ZNF577: variants seen among roughly 807,000 people sequenced by gnomAD.
The protein encoded by ZNF577 is zinc finger protein 577.
ZNF577 carries 14 observed loss-of-function variants against 13.9 expected under a neutral mutation model. That is an observed-to-expected ratio of 1.00 (90% CI 0.66 to 1.57). The LOEUF (loss-of-function observed/expected upper bound fraction) is 1.57. ZNF577 is among the 40% of genes most tolerant of loss of function. ZNF577 has a pLI of 0.00. For missense variants in ZNF577, 555 were observed against 579.2 expected, an observed-to-expected ratio of 0.96 and a Z score of 0.43; for synonymous variants, 203 against 202.9, an observed-to-expected ratio of 1.00 and a Z score of 0.00.
intron 1 of ZNF577, chr19:51,886,385 T>C (rs1215651879): frequency 1.3e-5 from 2 of 152,182 alleles, no homozygotes; most frequent in Non-Finnish European, 2.9e-5. Context: ...ATTCAGTCCC[T>C]CTCCAGCAAT....
chr19:51,831,637 T>C (rs145024657), intron 9 of ZNF577, among the ~76,000 whole-genome samples: 1,872 of 152,238 alleles, frequency 0.012, 29 homozygotes, highest in African/African-American at 0.036. Flanking sequence ...AATATAAACA[T>C]GATCGTGCCC....
At chr19:51,851,607 C>CGAGG (rs1168625784) in intron 5 of ZNF577, among the ~76,000 whole-genome samples, 1 of 152,156 alleles carries the variant, frequency 6.6e-6, no homozygotes, top group African/African-American at 2.4e-5. Context: ...CCCCACACCT[C>CGAGG]ACATTTGCTC....
chr19:51,818,005 A>T (rs56083320), intron 9 of ZNF577, among the ~76,000 whole-genome samples: 56,952 of 139,492 alleles, frequency 0.41, 11,109 homozygotes, highest in South Asian at 0.54. Context: ...TCTTTTCTTT[A>T]CTTTTCTTTT....
At chr19:51,879,260 A>AG (rs1171611743) in intron 3 of ZNF577, among the ~76,000 whole-genome samples, 1 of 132,512 alleles carries the variant, frequency 7.5e-6, no homozygotes, top group Non-Finnish European at 1.6e-5. Context: ...CCGTCTCAAG[A>AG]GGAAAAAAAA....
At position 51,872,667 on chromosome 19, in the gene ZNF577, T is replaced by C. The variant is rs201024829; in HGVS notation, c.1323A>G (p.Glu441=). The C allele has an allele frequency of 2.5e-4, 396 of 1,614,224 alleles. No homozygotes were observed. The highest frequency in any genetic ancestry group is 3.3e-4 in the Middle Eastern group (2 of 6,062). The part of the protein sequence containing the change: ...RLVGRNVVIV[E]QPFPRNQAFV... ...AGGCTTGATTTCTTGGAAAAGGTTG[T>C]TCCACAATCACTACATTTCTGCCCA... is the stretch of plus-strand genomic sequence containing the variant. Residue 441 remains glutamate (E), a synonymous_variant, in exon 6 of 6, where the codon GAA becomes GAG. Coordinates refer to ENST00000638348, the MANE Select transcript of ZNF577 (RefSeq NM_001370449.1).
In ZNF577 at chr19:51,856,446, A is replaced by G. The variant is rs1216175481; in HGVS notation, c.284-11515T>C. Among the ~76,000 whole-genome samples, 3 of 152,252 alleles carry G rather than the reference A, an allele frequency of 2.0e-5. No individual in the cohort carries two copies. The East Asian group carries it at 5.8e-4, about 29-fold the overall frequency. ...TTCCATCAAGTATCTCAAAGAAAAA[A>G]TACAGAGAACATCAGGATAATGCTA... On this transcript the variant is annotated intron_variant and NMD_transcript_variant, in intron 5 of 10. Coordinates refer to the ZNF577 transcript ENST00000638827.
downstream of ZNF577, chr19:51,862,329 A>T (rs1393344137): frequency 6.6e-6 from 1 of 152,476 alleles, no homozygotes; most frequent in East Asian, 1.9e-4. Flanking sequence ...TTACTGCATG[A>T]TGAGTTTTCT....
Position 51,873,295 on chromosome 19 carries a change from T to G in ZNF577, c.695A>C (p.His232Pro). 6.2e-7 allele frequency: 1 copy of G among 1,614,246 alleles called. No homozygotes were observed. ...TTTCTCTCCTGTATGGGTTCTCTGA[T>G]GGACCATGAGCTGTGACTTTCTGGA... is the stretch of plus-strand genomic sequence containing the variant. The part of the protein sequence containing the change: ...AFSRKSQLMV[H>P]QRTHTGEKPY... Residue 232 changes from histidine (H) to proline (P), a missense_variant, in exon 6 of 6, where the codon CAT (histidine) becomes CCT (proline). Coordinates refer to ENST00000638348, the MANE Select transcript of ZNF577 (RefSeq NM_001370449.1).
chr19:51,813,657 A>G (rs1298985313), intron 9 of ZNF577, among the ~76,000 whole-genome samples: 2 of 151,896 alleles, frequency 1.3e-5, no homozygotes, highest in Non-Finnish European at 2.9e-5. Flanking sequence ...CAGCCTCCCG[A>G]ATATCTGGGA....
Position 51,869,282 on chromosome 19 carries a change from A to G in ZNF577, c.*3250T>C, listed in dbSNP as rs1027821997. Among the ~76,000 whole-genome samples, 17 of 152,146 alleles carry G rather than the reference A, an allele frequency of 1.1e-4. No individual in the cohort carries two copies. Among genetic ancestry groups the G allele is most frequent in the Admixed American group, 1.1e-3 (17 of 15,278 alleles). ...CTATTTGCTGAGATAGGAGAAAACC[A>G]CCTTATGGCTGGATGTGAGACATGC... On this transcript the variant is annotated 3_prime_UTR_variant, in exon 6 of 6. Transcript: ENST00000638348.
intron 5 of ZNF577, among the ~76,000 whole-genome samples, chr19:51,860,072 A>C (rs8100898): frequency 0.027 from 4,123 of 152,212 alleles, 202 homozygotes; most frequent in African/African-American, 0.093. Flanking sequence ...AACCATTATA[A>C]AATTATATAT....
At chr19:51,884,229 T>C (rs192008428) in intron 1 of ZNF577, among the ~76,000 whole-genome samples, 2 of 152,250 alleles carry the variant, frequency 1.3e-5, no homozygotes, top group Admixed American at 1.3e-4. Flanking sequence ...CTGGGCAACA[T>C]AGCAAGATCC....
chr19:51,845,283 T>A (rs1321802458), intron 5 of ZNF577, among the ~76,000 whole-genome samples: 1 of 151,902 alleles, frequency 6.6e-6, no homozygotes, highest in African/African-American at 2.4e-5. Context: ...TCACCTGAGG[T>A]CGGAGTTTGA....
intron 1 of ZNF577, among the ~76,000 whole-genome samples, chr19:51,882,899 A>G (rs2084883626): frequency 6.6e-6 from 1 of 152,144 alleles, no homozygotes; most frequent in South Asian, 2.1e-4. Flanking sequence ...GCAGGGAGGA[A>G]GGAAACAGGT....
intron 9 of ZNF577, among the ~76,000 whole-genome samples, chr19:51,814,448 T>C (rs2084119487): frequency 6.6e-6 from 1 of 152,086 alleles, no homozygotes; most frequent in Non-Finnish European, 1.5e-5. Context: ...TAACGGGTAC[T>C]CTCTCATGCA....
At chr19:51,822,231 C>T (rs965914172) in intron 9 of ZNF577, among the ~76,000 whole-genome samples, 1 of 152,192 alleles carries the variant, frequency 6.6e-6, no homozygotes, top group Non-Finnish European at 1.5e-5. Flanking sequence ...GCCAGGATAT[C>T]CTCCCATAGT....
At chr19:51,878,196 T>G in intron 4 of ZNF577, 193 bp downstream of exon 4, 1 of 428,524 alleles carries the variant, frequency 2.3e-6, no homozygotes, top group Non-Finnish European at 4.1e-6. Flanking sequence ...TAACACTATG[T>G]GCGCGAATGC....
chr19:51,882,847 C>A (rs530715414), intron 1 of ZNF577, among the ~76,000 whole-genome samples: 1 of 152,094 alleles, frequency 6.6e-6, no homozygotes, highest in South Asian at 2.1e-4. Context: ...GCTTCCAAAC[C>A]ATTACAAGCC....
At chr19:51,841,096 C>T (rs2122541425) in intron 8 of ZNF577, among the ~76,000 whole-genome samples, 1 of 152,296 alleles carries the variant, frequency 6.6e-6, no homozygotes, top group Middle Eastern at 3.4e-3. Flanking sequence ...TGAAACATTC[C>T]ACAGGGGGTT....
Sources: allele counts gnomAD v4.1 joint callset (sites outside exome capture counted in the v4.1 genomes callset), GRCh38; gene constraint gnomAD v4.1.1; transcripts MANE v1.5; gene names NCBI Gene and HGNC (gene_info 2026-07-23, HGNC 2026-07-21).